USP25: variants seen among roughly 807,000 people sequenced by gnomAD.
USP25 encodes ubiquitin specific peptidase 25.
A neutral mutation model predicts 158.5 loss-of-function variants in USP25; 85 were observed. The ratio of observed to expected loss-of-function variants is 0.54; its 90% CI spans 0.45 to 0.64. The LOEUF is 0.64. Among genes scored for constraint, USP25 ranks in the 30% least tolerant of loss-of-function variants. The probability of loss-of-function intolerance (pLI) is 0.00; values close to 1 mark genes in which losing one functional copy is unlikely to be tolerated. For missense variants in USP25, 1,242 were observed against 1,327.3 expected, an observed-to-expected ratio of 0.94 and a Z score of 1.00; for synonymous variants, 464 against 460.4, an observed-to-expected ratio of 1.01 and a Z score of -0.10.
chr21:15,829,936 C>T (rs1029184218), intron 14 of USP25, among the ~76,000 whole-genome samples: 1 of 152,126 alleles, frequency 6.6e-6, no homozygotes. Flanking sequence ...TCAGCAGCTT[C>T]ACAATATGAT....
chr21:15,729,982 A>G lies in USP25; in HGVS notation c.-412A>G, dbSNP rs2030611505. The G allele has an allele frequency of 2.0e-5, 3 of 151,394 alleles. No individual in the cohort carries two copies. The highest frequency in any genetic ancestry group is 2.4e-5 in the African/African-American group (1 of 41,312). 9.4% of individuals were successfully genotyped at this position (151,394 alleles called of 1,614,324 possible). ...CTCGCGGAGGGAGGAGGACAACGCC[A>G]TTCCGGGCGGCCGCTCCCTCCGTCC... is the stretch of plus-strand genomic sequence containing the variant. On this transcript the variant is annotated 5_prime_UTR_variant, in exon 1 of 26. Coordinates refer to ENST00000400183, the MANE Select transcript of USP25 (RefSeq NM_001283041.3).
At chr21:15,825,084 A>G in intron 12 of USP25, 23 bp downstream of exon 12, 1 of 1,526,000 alleles carries the variant, frequency 6.6e-7, no homozygotes, top group South Asian at 1.2e-5. Context: ...TTATGAAATT[A>G]GGAGATAATT....
chr21:15,798,052 T>C (rs1257013020), intron 5 of USP25, among the ~76,000 whole-genome samples: 1 of 151,228 alleles, frequency 6.6e-6, no homozygotes, highest in Non-Finnish European at 1.5e-5. Context: ...TTGGAATGTA[T>C]CCTTTTTGGA....
At chr21:15,734,257 G>C (rs535417126) in intron 1 of USP25, among the ~76,000 whole-genome samples, 4 of 152,300 alleles carry the variant, frequency 2.6e-5, no homozygotes, top group Non-Finnish European at 4.4e-5. Context: ...GAAAAACAAT[G>C]CAGACTGGAT....
At chr21:15,859,280 C>T (rs1219797439) in intron 20 of USP25, among the ~76,000 whole-genome samples, 3 of 151,562 alleles carry the variant, frequency 2.0e-5, no homozygotes, top group Non-Finnish European at 1.5e-5. Flanking sequence ...GCAGGCTCCG[C>T]CTCCCGGGTT....
intron 3 of USP25, among the ~76,000 whole-genome samples, chr21:15,777,320 TCTTATA>T (rs2034713636): frequency 6.6e-6 from 1 of 152,210 alleles, no homozygotes; most frequent in Non-Finnish European, 1.5e-5. Context: ...AGTGAAAGAT[TCTTATA>T]CTTCTTCCTC....
chr21:15,852,890 GT>G (rs2038950220), intron 20 of USP25, among the ~76,000 whole-genome samples: 1 of 152,076 alleles, frequency 6.6e-6, no homozygotes, highest in South Asian at 2.1e-4. Context: ...ACATCAAGTT[GT>G]TTCTAATTAA....
At chr21:15,848,296 A>C (rs1432289475) in intron 19 of USP25, among the ~76,000 whole-genome samples, 1 of 152,128 alleles carries the variant, frequency 6.6e-6, no homozygotes, top group East Asian at 1.9e-4. Flanking sequence ...TAGGACCTCC[A>C]TGTTTATTCT....
intron 14 of USP25, 107 bp from the exon 15 acceptor site, chr21:15,830,424 A>G (rs1039955402): frequency 2.2e-6 from 2 of 889,896 alleles, no homozygotes; most frequent in Non-Finnish European, 3.3e-6. Context: ...AAGTTTTAGG[A>G]AAATTTTCCT....
At chr21:15,817,997 C>T (rs371846638) in intron 9 of USP25, among the ~76,000 whole-genome samples, 9 of 152,120 alleles carry the variant, frequency 5.9e-5, no homozygotes, top group African/African-American at 1.9e-4. Context: ...GTAATCTCTC[C>T]CTTGGTTCCC....
At chr21:15,831,671 A>G (rs758175313) in intron 16 of USP25, 42 bp downstream of exon 16, 3 of 1,547,552 alleles carry the variant, frequency 1.9e-6, no homozygotes, top group Non-Finnish European at 2.7e-6. Flanking sequence ...AATAGTCATA[A>G]AAGTGGCTCT....
intron 3 of USP25, among the ~76,000 whole-genome samples, chr21:15,769,167 A>G (rs2034207875): frequency 6.6e-6 from 1 of 152,074 alleles, no homozygotes; most frequent in Non-Finnish European, 1.5e-5. Flanking sequence ...ATATTATGTC[A>G]CTGGATTTGA....
intron 23 of USP25, among the ~76,000 whole-genome samples, chr21:15,873,222 C>T (rs2039965873): frequency 6.6e-6 from 1 of 151,840 alleles, no homozygotes; most frequent in Non-Finnish European, 1.5e-5. Context: ...GAAGTCCTTC[C>T]TCCTCAGCCT....
intron 9 of USP25, among the ~76,000 whole-genome samples, chr21:15,818,457 A>G (rs2037060945): frequency 6.6e-6 from 1 of 152,144 alleles, no homozygotes; most frequent in South Asian, 2.1e-4. Flanking sequence ...TTGCGAGAAA[A>G]AATATACATA....
chr21:15,750,214 GTTTTTTTT>G (rs35867462), intron 1 of USP25, among the ~76,000 whole-genome samples: 86 of 65,632 alleles, frequency 1.3e-3, no homozygotes, highest in Non-Finnish European at 1.5e-3. Flanking sequence ...GTGTGTGTAT[GTTTTTTTT>G]TTTTTTTTTT....
chr21:15,786,249 G>GA (rs1456476854), intron 4 of USP25, among the ~76,000 whole-genome samples: 1 of 152,064 alleles, frequency 6.6e-6, no homozygotes, highest in Non-Finnish European at 1.5e-5. Flanking sequence ...AACTATTCCA[G>GA]AAAATTAAAG....
In USP25 at chr21:15,842,378, T is replaced by C. The variant is rs755580478; in HGVS notation, c.2195-20T>C. On this transcript the variant is annotated intron_variant, in intron 17 of 25. Coordinates refer to ENST00000400183, the MANE Select transcript of USP25 (RefSeq NM_001283041.3). ...TCTGTGGTTTATATTAGATATATAA[T>C]TGATTCTTTTCTCATGAAGCACAAG... 4.0e-5 allele frequency: 64 copies of C among 1,610,740 alleles called. No individual in the cohort carries two copies. The highest frequency in any genetic ancestry group is 4.9e-5 in the Non-Finnish European group (58 of 1,178,748).
chr21:15,770,766 C>T (rs2034305257), intron 3 of USP25, among the ~76,000 whole-genome samples: 1 of 152,170 alleles, frequency 6.6e-6, no homozygotes, highest in East Asian at 1.9e-4. Context: ...CATAATGCTA[C>T]ATTTCCATTA....
chr21:15,818,688 C>T lies in USP25; in HGVS notation c.932-10C>T. 1 of 1,600,000 alleles carries T rather than the reference C, an allele frequency of 6.3e-7. No homozygotes were observed. Among genetic ancestry groups the T allele is most frequent in the Non-Finnish European group, 8.5e-7 (1 of 1,172,422 alleles). ...ATATTGAGTATTATTAATTTTCTCC[C>T]TTCTTATAGGTAAAAAATTTGAAAA... On this transcript the variant is annotated splice_polypyrimidine_tract_variant and intron_variant, in intron 9 of 25. Transcript: ENST00000400183.
Sources: allele counts gnomAD v4.1 joint callset (sites outside exome capture counted in the v4.1 genomes callset), GRCh38; gene constraint gnomAD v4.1.1; transcripts MANE v1.5; gene names NCBI Gene and HGNC (gene_info 2026-07-23, HGNC 2026-07-21).